The following SNX29 variants were observed in gnomAD, a reference collection of about 807,000 sequenced individuals.
SNX29 encodes the protein sorting nexin 29.
In SNX29, 78 loss-of-function variants were observed where a neutral mutation model predicts 102.1. The observed-to-expected ratio is 0.76, with a 90% CI of 0.64 to 0.92. The LOEUF is 0.92. Ranked by LOEUF, SNX29 falls within the 40% of genes least tolerant of loss-of-function variation. SNX29 has a pLI of 0.00. For missense variants in SNX29, 1,280 were observed against 1,061.7 expected (o/e 1.21, Z -2.86); for synonymous variants, 580 against 414.5 (o/e 1.40, Z -4.85).
At chr16:12,339,502 A>T (rs1019325590) in intron 15 of SNX29, among the ~76,000 whole-genome samples, 1 of 152,146 alleles carries the variant, frequency 6.6e-6, no homozygotes, top group Admixed American at 6.5e-5. Flanking sequence ...AGAAAACTCA[A>T]ACTGGGCTTA....
At chr16:12,443,179 C>T in intron 18 of SNX29, 1 of 369,138 alleles carries the variant, frequency 2.7e-6, no homozygotes, top group Non-Finnish European at 5.3e-6. Flanking sequence ...CATGCTCCTT[C>T]CTATGGAAGC....
intron 11 of SNX29, among the ~76,000 whole-genome samples, chr16:12,125,869 T>C (rs1036620960): frequency 4.6e-5 from 7 of 152,050 alleles, no homozygotes; most frequent in Non-Finnish European, 8.8e-5. Flanking sequence ...ATATAACATT[T>C]TCAGCTATGA....
At chr16:12,203,387 TGTATA>T (rs2076964995) in intron 14 of SNX29, among the ~76,000 whole-genome samples, 1 of 151,786 alleles carries the variant, frequency 6.6e-6, no homozygotes, top group African/African-American at 2.4e-5. Context: ...ACTCTGAAGT[TGTATA>T]GTGTGGCCCT....
intron 20 of SNX29, among the ~76,000 whole-genome samples, chr16:12,536,227 C>A (rs975860362): frequency 1.3e-5 from 2 of 152,194 alleles, no homozygotes; most frequent in South Asian, 2.1e-4. Context: ...AACAGGATTT[C>A]ATGTTTTTTT....
chr16:12,571,712 G>T lies in SNX29; in HGVS notation c.*3083G>T, dbSNP rs371053231. ...TGAGAGACAACAAAAGCTTCTAAGG[G>T]AGGGAGCTTAAAGGCTGCTAGAAAC... On this transcript the variant is annotated 3_prime_UTR_variant, in exon 21 of 21. Coordinates refer to ENST00000566228, the MANE Select transcript of SNX29 (RefSeq NM_032167.5). 3.3e-5 allele frequency: 35 copies of T among 1,057,682 alleles called. No individual in the cohort carries two copies. In the South Asian group the frequency reaches 1.3e-3, roughly 39 times the overall value. 65.5% of individuals were successfully genotyped at this position (1,057,682 alleles called of 1,614,324 possible). A position where few individuals can be genotyped will look rare whatever the true frequency, so the allele number is the denominator to read the frequency against.
At chr16:12,086,250 C>A (rs557856726) in intron 11 of SNX29, among the ~76,000 whole-genome samples, 1 of 152,014 alleles carries the variant, frequency 6.6e-6, no homozygotes, top group East Asian at 1.9e-4. Flanking sequence ...GTGATCTGCC[C>A]GCCTCGGCGT....
intron 8 of SNX29, among the ~76,000 whole-genome samples, chr16:12,057,238 G>C (rs909263387): frequency 1.3e-5 from 2 of 152,358 alleles, no homozygotes; most frequent in South Asian, 2.1e-4. Flanking sequence ...CTCACTAGCA[G>C]TTAAGCAAAT....
At chr16:12,230,097 A>G (rs2077726096) in intron 14 of SNX29, among the ~76,000 whole-genome samples, 2 of 152,332 alleles carry the variant, frequency 1.3e-5, no homozygotes, top group South Asian at 4.1e-4. Context: ...ATCAGCCCGG[A>G]TTTAGCCTCA....
rs553301219 is a variant in SNX29 at position 12,442,066 on chromosome 16, C to T, written c.2038-35653C>T. ...AAGTGCTGGGATTACAGGTGTGAGC[C>T]ACCACGCCTGGCTTTGACTTAATTT... is the stretch of plus-strand genomic sequence containing the variant. On this transcript the variant is annotated intron_variant, in intron 18 of 20. Coordinates refer to ENST00000566228, the MANE Select transcript of SNX29 (RefSeq NM_032167.5). Among the ~76,000 whole-genome samples the T allele has an allele frequency of 8.7e-4, 132 of 152,184 alleles. 1 individual carries two copies. The highest frequency in any genetic ancestry group is 1.0e-3 in the Non-Finnish European group (71 of 68,022).
intron 13 of SNX29, among the ~76,000 whole-genome samples, chr16:12,137,367 C>A (rs1295361014): frequency 6.6e-6 from 1 of 152,214 alleles, no homozygotes; most frequent in Non-Finnish European, 1.5e-5. Context: ...CATCTTAGAG[C>A]CCTTGGCCCC....
intron 14 of SNX29, among the ~76,000 whole-genome samples, chr16:12,256,303 C>A (rs977263041): frequency 2.0e-5 from 3 of 152,168 alleles, no homozygotes; most frequent in Non-Finnish European, 4.4e-5. Flanking sequence ...CAAACAGTTT[C>A]TTCCATTTGG....
intron 18 of SNX29, among the ~76,000 whole-genome samples, chr16:12,415,660 C>G (rs562188778): frequency 6.6e-6 from 1 of 151,878 alleles, no homozygotes; most frequent in East Asian, 1.9e-4. Flanking sequence ...TGTTACCTCC[C>G]ACATCCAGGG....
intron 20 of SNX29, chr16:12,527,037 T>C (rs1452665975): frequency 2.4e-6 from 1 of 417,110 alleles, no homozygotes; most frequent in East Asian, 4.1e-5. Flanking sequence ...TGACACAGTG[T>C]TGACACTGGA....
chr16:12,326,395 A>C (rs2081121198), intron 15 of SNX29, among the ~76,000 whole-genome samples: 1 of 148,488 alleles, frequency 6.7e-6, no homozygotes, highest in African/African-American at 2.5e-5. Context: ...GGAAGGGTTG[A>C]ACCAGGTGGG....
Position 11,979,305 on chromosome 16 carries a change from A to G in SNX29, c.7+2492A>G, listed in dbSNP as rs140431970. On this transcript the variant is annotated intron_variant, in intron 1 of 20. Coordinates refer to ENST00000566228, the MANE Select transcript of SNX29 (RefSeq NM_032167.5). ...AAAAAAAAAAAAAAAAAAAATCGTTACATCTAAAGCCAAAGAGAAAAGGAA... is the reference window on the plus strand; with the variant it reads ...AAAAAAAAAAAAAAAAAAAATCGTTGCATCTAAAGCCAAAGAGAAAAGGAA... 9.7e-3 allele frequency among the ~76,000 whole-genome samples: 1,404 copies of G among 144,480 alleles called. 9 individuals carry two copies. The highest frequency in any genetic ancestry group is 0.016 in the Non-Finnish European group (1,078 of 66,212). The allele number at this position is 144,480 out of a possible 152,430, so 94.8% of individuals were successfully genotyped here.
chr16:12,042,593 T>A (rs1422889564), intron 4 of SNX29, among the ~76,000 whole-genome samples: 1 of 152,232 alleles, frequency 6.6e-6, no homozygotes, highest in Non-Finnish European at 1.5e-5. Flanking sequence ...TCGTTTTCTA[T>A]TTCTGTGTAA....
intron 20 of SNX29, among the ~76,000 whole-genome samples, chr16:12,547,522 A>C (rs931536331): frequency 6.6e-6 from 1 of 152,072 alleles, no homozygotes; most frequent in African/African-American, 2.4e-5. Context: ...GGTGTGAGAG[A>C]AAGAGGAACT....
At chr16:12,126,782 T>C (rs950731977) in intron 12 of SNX29, 86 bp downstream of exon 12, 19 of 1,494,086 alleles carry the variant, frequency 1.3e-5, no homozygotes, top group Non-Finnish European at 1.7e-5. Context: ...ATGAGGGACA[T>C]TTTGCTTTCT....
intron 16 of SNX29, among the ~76,000 whole-genome samples, chr16:12,363,548 A>G (rs970825277): frequency 6.6e-6 from 1 of 152,210 alleles, no homozygotes; most frequent in Non-Finnish European, 1.5e-5. Flanking sequence ...CCAGTGAAAC[A>G]GTGCTCTCTG....
Sources: allele counts gnomAD v4.1 joint callset (sites outside exome capture counted in the v4.1 genomes callset), GRCh38; gene constraint gnomAD v4.1.1; transcripts MANE v1.5; gene names NCBI Gene and HGNC (gene_info 2026-07-23, HGNC 2026-07-21).